AP3B1: variants seen among roughly 807,000 people sequenced by gnomAD.
AP3B1 encodes adaptor related protein complex 3 subunit beta 1.
A neutral mutation model predicts 132.5 loss-of-function variants in AP3B1; 61 were observed. The ratio of observed to expected loss-of-function variants is 0.46; its 90% CI spans 0.37 to 0.57. The LOEUF (loss-of-function observed/expected upper bound fraction) is 0.57. AP3B1 is among the 20% of genes least tolerant of loss of function. The pLI is 0.00. For synonymous variants in AP3B1, 388 were observed against 438.3 expected (o/e 0.89, Z 1.43); for missense variants, 1,120 against 1,289.4 (o/e 0.87, Z 2.01).
At position 78,190,915 on chromosome 5, in the gene AP3B1, C is replaced by G. The variant is rs190351398; in HGVS notation, c.787-9253G>C. On this transcript the variant is annotated intron_variant, in intron 7 of 26. Transcript: ENST00000255194. ...AAGTTTCCCCCCTAAAATTATCCCT[C>G]AGAAAGAAGTTGCCTCATACTTGAG... Among the ~76,000 whole-genome samples, 5 of 152,218 alleles carry G rather than the reference C, an allele frequency of 3.3e-5. No homozygotes were observed. In the South Asian group the frequency reaches 1.0e-3, roughly 32 times the overall value.
chr5:78,025,814 A>G (rs772637027), intron 24 of AP3B1, among the ~76,000 whole-genome samples: 4 of 152,182 alleles, frequency 2.6e-5, no homozygotes, highest in Non-Finnish European at 4.4e-5. Context: ...TGGTCATGCC[A>G]CTGCAGTTGG....
intron 21 of AP3B1, among the ~76,000 whole-genome samples, chr5:78,096,271 CAGAGGTGCCG>C (rs1750779749): frequency 6.6e-6 from 1 of 152,236 alleles, no homozygotes; most frequent in South Asian, 2.1e-4. Context: ...CCTTGGCCTC[CAGAGGTGCCG>C]GGATTGCAGA....
At chr5:78,205,458 C>T (rs1745466108) in intron 7 of AP3B1, among the ~76,000 whole-genome samples, 3 of 151,724 alleles carry the variant, frequency 2.0e-5, no homozygotes, top group Non-Finnish European at 2.9e-5. Context: ...CACACACGCA[C>T]ACAAATATAT....
chr5:78,012,096 T>C (rs1254331153), intron 26 of AP3B1, among the ~76,000 whole-genome samples: 3 of 151,928 alleles, frequency 2.0e-5, no homozygotes, highest in Non-Finnish European at 2.9e-5. Context: ...AAAACGTAAC[T>C]ATCACAAAAG....
chr5:78,114,021 T>C, intron 18 of AP3B1, 98 bp from the exon 19 acceptor site: 1 of 1,403,742 alleles, frequency 7.1e-7, no homozygotes. Flanking sequence ...AAACCAGATG[T>C]TGAATTTTAG....
At chr5:78,273,879 A>G (rs1367818757) in intron 1 of AP3B1, among the ~76,000 whole-genome samples, 1 of 152,088 alleles carries the variant, frequency 6.6e-6, no homozygotes. Flanking sequence ...GGCTGGAAAA[A>G]AAAACAAAAA....
At chr5:78,044,473 T>A (rs912982886) in intron 22 of AP3B1, among the ~76,000 whole-genome samples, 6 of 152,218 alleles carry the variant, frequency 3.9e-5, no homozygotes, top group Admixed American at 2.0e-4. Flanking sequence ...AAATAAATGT[T>A]GATGTAGCCA....
intron 23 of AP3B1, among the ~76,000 whole-genome samples, chr5:78,035,290 T>C (rs890042556): frequency 6.6e-6 from 1 of 151,994 alleles, no homozygotes; most frequent in Non-Finnish European, 1.5e-5. Flanking sequence ...TGTTTATATA[T>C]AGAAACTGTC....
intron 20 of AP3B1, among the ~76,000 whole-genome samples, chr5:78,105,734 C>T (rs1751305829): frequency 6.6e-6 from 1 of 152,154 alleles, no homozygotes. Flanking sequence ...ATAAAATACG[C>T]TTATCAATCA....
intron 12 of AP3B1, 116 bp downstream of exon 12, chr5:78,165,494 C>T: frequency 2.7e-6 from 2 of 750,594 alleles, no homozygotes; most frequent in Admixed American, 4.7e-5. Context: ...AGTTGTCAGT[C>T]TTGTCCCAAT....
chr5:78,100,513 T>TAACCC (rs1215000907), intron 21 of AP3B1, among the ~76,000 whole-genome samples: 1 of 152,186 alleles, frequency 6.6e-6, no homozygotes, highest in Non-Finnish European at 1.5e-5. Flanking sequence ...AAAGGCTTTG[T>TAACCC]AACCCATTTC....
chr5:78,081,901 AT>A (rs1221917302), intron 22 of AP3B1, among the ~76,000 whole-genome samples: 3 of 135,018 alleles, frequency 2.2e-5, no homozygotes, highest in Non-Finnish European at 4.7e-5. Flanking sequence ...ATTCTTTGCA[AT>A]AAAAAAAAAA....
At chr5:78,038,277 G>A (rs1411337432) in intron 23 of AP3B1, among the ~76,000 whole-genome samples, 1 of 152,128 alleles carries the variant, frequency 6.6e-6, no homozygotes, top group Non-Finnish European at 1.5e-5. Flanking sequence ...AATTGGATGT[G>A]GATAAATACC....
intron 3 of AP3B1, among the ~76,000 whole-genome samples, chr5:78,234,798 T>A (rs1746802713): frequency 6.6e-6 from 1 of 152,146 alleles, no homozygotes; most frequent in Admixed American, 6.5e-5. Context: ...CTGAAAAAAA[T>A]TAAGACATTT....
At chr5:78,194,464 T>C (rs1298388801) in intron 7 of AP3B1, among the ~76,000 whole-genome samples, 3 of 152,200 alleles carry the variant, frequency 2.0e-5, no homozygotes, top group Non-Finnish European at 4.4e-5. Flanking sequence ...AATTAAAATG[T>C]TTTATATTGT....
intron 22 of AP3B1, among the ~76,000 whole-genome samples, chr5:78,065,267 G>A (rs967097074): frequency 6.6e-6 from 1 of 152,150 alleles, no homozygotes; most frequent in African/African-American, 2.4e-5. Context: ...GACTCTCAGT[G>A]GCCCCTCGGC....
chr5:78,144,907 C>T (rs1435622438), intron 14 of AP3B1, among the ~76,000 whole-genome samples: 1 of 152,146 alleles, frequency 6.6e-6, no homozygotes, highest in South Asian at 2.1e-4. Context: ...AATCATTGCT[C>T]ACTACAACCT....
At chr5:78,120,704 T>G (rs1191949683) in intron 17 of AP3B1, among the ~76,000 whole-genome samples, 1 of 151,990 alleles carries the variant, frequency 6.6e-6, no homozygotes, top group African/African-American at 2.4e-5. Context: ...AAGTCCTGAG[T>G]GACCTACAAA....
Position 78,039,203 on chromosome 5 carries a change from A to C in AP3B1, c.2649T>G (p.Ala883=), listed in dbSNP as rs1277012962. The C allele has an allele frequency of 6.2e-7, 1 of 1,614,200 alleles. No homozygotes were observed. Among genetic ancestry groups the C allele is most frequent in the East Asian group, 2.2e-5 (1 of 44,870 alleles). Residue 883 remains alanine (A), a synonymous_variant, in exon 23 of 27, where the codon GCT becomes GCG. Transcript: ENST00000255194. ...GCTGTCTTGGAAAGAAATAATGGGC[A>C]GCTAGTCCTTTTCCACTCATTCGAT... is the stretch of plus-strand genomic sequence containing the variant. The part of the protein sequence containing the change: ...LLHRMSGKGL[A]AHYFFPRQPC...
Sources: allele counts gnomAD v4.1 joint callset (sites outside exome capture counted in the v4.1 genomes callset), GRCh38; gene constraint gnomAD v4.1.1; transcripts MANE v1.5; gene names NCBI Gene and HGNC (gene_info 2026-07-23, HGNC 2026-07-21).